Variants in MAGI3 observed in about 807,000 individuals in gnomAD.
MAGI3 encodes membrane-associated guanylate kinase, WW and PDZ domain-containing protein 3.
Under a neutral mutation model 121.8 loss-of-function variants are expected in MAGI3, and 43 were observed. The observed-to-expected ratio is 0.35, with a 90% confidence interval of 0.28 to 0.46. The LOEUF is 0.46. Ranked by LOEUF, MAGI3 falls within the 20% of genes least tolerant of loss-of-function variation. The pLI, the probability that MAGI3 is intolerant of heterozygous loss-of-function variation, is 1.00. For synonymous variants in MAGI3, 553 were observed against 639.3 expected (o/e 0.86, Z 2.04); for missense variants, 1,547 against 1,797.3 (o/e 0.86, Z 2.52).
intron 1 of MAGI3, among the ~76,000 whole-genome samples, chr1:113,471,462 A>G (rs1011276005): frequency 1.3e-5 from 2 of 152,206 alleles, no homozygotes; most frequent in African/African-American, 4.8e-5. Flanking sequence ...GGGATGCAGC[A>G]GAAGCCTTTC....
At chr1:113,636,668 T>A (rs1652046527) in intron 9 of MAGI3, among the ~76,000 whole-genome samples, 1 of 152,122 alleles carries the variant, frequency 6.6e-6, no homozygotes, top group African/African-American at 2.4e-5. Context: ...AATTTTGGAA[T>A]AGGTGTGGTG....
intron 7 of MAGI3, among the ~76,000 whole-genome samples, chr1:113,616,601 A>G (rs1650485602): frequency 6.6e-6 from 1 of 152,186 alleles, no homozygotes; most frequent in Non-Finnish European, 1.5e-5. Flanking sequence ...GGATGAAGTT[A>G]TTTTTTAAAA....
rs192928113 is a variant in MAGI3 at position 113,422,876 on chromosome 1, C to G, written c.316+31527C>G. Among the ~76,000 whole-genome samples the G allele has an allele frequency of 6.6e-6, 1 of 152,194 alleles. No homozygotes were observed. The highest frequency in any genetic ancestry group is 6.5e-5 in the Admixed American group (1 of 15,288). On this transcript the variant is annotated intron_variant, in intron 1 of 20. Transcript: ENST00000307546. The surrounding 1 kb of genome is among the most constrained non-coding windows in gnomAD (Gnocchi z 4.3). ...GCTGATCCGGCCCCACCGCTACTTC[C>G]CATTGCATGTGTGGCTGCCTGGTGC...
chr1:113,636,695 G>A (rs1274445462), intron 9 of MAGI3, among the ~76,000 whole-genome samples: 1 of 152,082 alleles, frequency 6.6e-6, no homozygotes, highest in Non-Finnish European at 1.5e-5. Flanking sequence ...TGGAAAAAAT[G>A]TATATTCTGT....
intron 1 of MAGI3, among the ~76,000 whole-genome samples, chr1:113,428,018 G>A (rs531999950): frequency 1.3e-5 from 2 of 152,224 alleles, no homozygotes; most frequent in African/African-American, 4.8e-5. Flanking sequence ...TTCTGTGTGT[G>A]TGTGTGTCCC....
At chr1:113,681,970 C>A (rs541334071) in intron 20 of MAGI3, among the ~76,000 whole-genome samples, 1 of 152,132 alleles carries the variant, frequency 6.6e-6, no homozygotes, top group South Asian at 2.1e-4. Flanking sequence ...AGTACCACAC[C>A]CACGCAGTAC....
At chr1:113,631,950 G>A (rs1651661550) in intron 9 of MAGI3, among the ~76,000 whole-genome samples, 1 of 152,164 alleles carries the variant, frequency 6.6e-6, no homozygotes, top group Non-Finnish European at 1.5e-5. Context: ...GGAAGTTTAA[G>A]TATTGTTTTC....
At chr1:113,553,404 A>C (rs1450804809) in intron 2 of MAGI3, among the ~76,000 whole-genome samples, 1 of 152,200 alleles carries the variant, frequency 6.6e-6, no homozygotes, top group Non-Finnish European at 1.5e-5. Flanking sequence ...TCTGTGGCTG[A>C]ATACTAAGCT....
chr1:113,550,266 A>AT (rs1659715669), intron 2 of MAGI3, among the ~76,000 whole-genome samples: 1 of 150,912 alleles, frequency 6.6e-6, no homozygotes, highest in Admixed American at 6.6e-5. Context: ...AAAAAAAAAA[A>AT]ATTAGCCGGG....
intron 1 of MAGI3, among the ~76,000 whole-genome samples, chr1:113,507,173 G>GA (rs952058160): frequency 2.0e-5 from 3 of 151,818 alleles, no homozygotes; most frequent in African/African-American, 7.3e-5. Context: ...GAGAGAGAGA[G>GA]AAAAAATAAT....
intron 14 of MAGI3, 113 bp downstream of exon 14, chr1:113,651,319 C>A (rs1228351785): frequency 3.0e-6 from 3 of 992,610 alleles, no homozygotes; most frequent in East Asian, 5.5e-5. Context: ...CTAAGATAAC[C>A]CATTTGGTGT....
At chr1:113,520,933 T>C (rs1156796694) in intron 1 of MAGI3, among the ~76,000 whole-genome samples, 1 of 152,024 alleles carries the variant, frequency 6.6e-6, no homozygotes, top group East Asian at 1.9e-4. Context: ...TCTCTTGATT[T>C]TTGTGCTAGA....
intron 1 of MAGI3, among the ~76,000 whole-genome samples, chr1:113,529,281 G>A (rs903966917): frequency 6.6e-6 from 1 of 152,150 alleles, no homozygotes; most frequent in Non-Finnish European, 1.5e-5. Context: ...TAAACTGAGT[G>A]GTTCAAACAA....
At chr1:113,539,545 A>T (rs1018570183) in intron 1 of MAGI3, among the ~76,000 whole-genome samples, 2 of 151,638 alleles carry the variant, frequency 1.3e-5, no homozygotes, top group Non-Finnish European at 2.9e-5. Context: ...TTAATTAATT[A>T]ATTTATTATT....
chr1:113,586,231 C>A (rs542329438), intron 4 of MAGI3, among the ~76,000 whole-genome samples: 30 of 152,248 alleles, frequency 2.0e-4, no homozygotes, highest in African/African-American at 7.0e-4. Flanking sequence ...TGAGCTTATT[C>A]AATGGTATTC....
chr1:113,558,222 A>G (rs1226725597), intron 2 of MAGI3, among the ~76,000 whole-genome samples: 1 of 152,242 alleles, frequency 6.6e-6, no homozygotes, highest in Non-Finnish European at 1.5e-5. Flanking sequence ...GATGGCTGAA[A>G]TGAGAGAAGT....
At chr1:113,436,308 A>C (rs34456410) in intron 1 of MAGI3, among the ~76,000 whole-genome samples, 3,807 of 151,998 alleles carry the variant, frequency 0.025, 75 homozygotes, top group African/African-American at 0.052. Context: ...CTCTCTCTCT[A>C]TATATATATT....
chr1:113,433,563 A>G (rs891700205), intron 1 of MAGI3, among the ~76,000 whole-genome samples: 5 of 152,204 alleles, frequency 3.3e-5, no homozygotes, highest in African/African-American at 1.2e-4. Flanking sequence ...ATCCTGTTAC[A>G]TAAGAGGCTA....
intron 1 of MAGI3, among the ~76,000 whole-genome samples, chr1:113,509,256 C>T (rs971144051): frequency 2.6e-5 from 4 of 151,948 alleles, no homozygotes; most frequent in South Asian, 2.1e-4. Flanking sequence ...TGAATGACTC[C>T]GTAGTTATTT....
Sources: allele counts gnomAD v4.1 joint callset (sites outside exome capture counted in the v4.1 genomes callset), GRCh38; gene constraint gnomAD v4.1.1; non-coding constraint Gnocchi (gnomAD v3.1); transcripts MANE v1.5; gene names NCBI Gene and HGNC (gene_info 2026-07-23, HGNC 2026-07-21).